Variants in FARP1 observed in about 807,000 individuals in gnomAD.
FARP1 encodes the protein FERM, ARH/RhoGEF and pleckstrin domain protein 1, also known as FERM, ARHGEF and pleckstrin domain-containing protein 1.
Under a neutral mutation model 128.8 loss-of-function variants are expected in FARP1, and 52 were observed. The observed-to-expected ratio is 0.40, with a 90% confidence interval of 0.32 to 0.51. The LOEUF (loss-of-function observed/expected upper bound fraction) is 0.51. Ranked by LOEUF, FARP1 falls within the 20% of genes least tolerant of loss-of-function variation. The pLI, the probability that FARP1 is intolerant of heterozygous loss-of-function variation, is 0.45. For missense variants in FARP1, 1,333 were observed against 1,367.9 expected (o/e 0.97, Z 0.40); for synonymous variants, 580 against 551.8 (o/e 1.05, Z -0.72).
intron 2 of FARP1, among the ~76,000 whole-genome samples, chr13:98,271,222 C>T (rs1029017907): frequency 3.3e-5 from 5 of 152,136 alleles, no homozygotes; most frequent in Admixed American, 1.3e-4. Flanking sequence ...CAAATTAGGC[C>T]GAGAATCTGC....
chr13:98,224,530 A>AAG (rs1881629714), intron 2 of FARP1, among the ~76,000 whole-genome samples: 1 of 45,674 alleles, frequency 2.2e-5, no homozygotes, highest in African/African-American at 5.3e-5. Flanking sequence ...CTGTCTCAAA[A>AAG]AAAAAAAAAA....
intron 1 of FARP1, among the ~76,000 whole-genome samples, chr13:98,194,356 A>T (rs902757262): frequency 6.6e-6 from 1 of 152,210 alleles, no homozygotes; most frequent in African/African-American, 2.4e-5. Flanking sequence ...ACCTCAGGTG[A>T]TCCACCCGCC....
At chr13:98,206,216 T>TGTGA (rs1491428202) in intron 1 of FARP1, among the ~76,000 whole-genome samples, 3 of 138,798 alleles carry the variant, frequency 2.2e-5, no homozygotes, top group African/African-American at 7.8e-5. Context: ...TGTGTGTGTG[T>TGTGA]GATCCTTTCA....
chr13:98,220,003 A>G (rs1594286256), intron 2 of FARP1, among the ~76,000 whole-genome samples: 1 of 151,712 alleles, frequency 6.6e-6, no homozygotes, highest in African/African-American at 2.4e-5. Context: ...CAGCCATCTT[A>G]GGGAATGTGC....
intron 2 of FARP1, among the ~76,000 whole-genome samples, chr13:98,300,555 A>G (rs1885881095): frequency 6.6e-6 from 1 of 152,186 alleles, no homozygotes; most frequent in South Asian, 2.1e-4. Flanking sequence ...TGTGTTCTGT[A>G]CATGTAAAAG....
Position 98,409,386 on chromosome 13 carries a change from A to T in FARP1, c.1463A>T (p.Gln488Leu). The T allele has an allele frequency of 6.2e-7, 1 of 1,613,784 alleles. No individual in the cohort carries two copies. The part of the protein sequence containing the change: ...PHLSELSVNS[Q>L]GGVAPANVTL... Reference sequence around the variant, plus strand: ...CTTTCCGAGCTGTCTGTGAACTCGCAGGGGGGAGTGGCCCCTGCCAACGTG... The same window carrying T: ...CTTTCCGAGCTGTCTGTGAACTCGCTGGGGGGAGTGGCCCCTGCCAACGTG... The change falls in exon 14 of 27, where the codon CAG (glutamine) becomes CTG (leucine). Residue 488 changes from glutamine to leucine, a missense_variant. Physicochemically the swap from Gln to Leu is moderately radical, Grantham distance 113. Transcript: ENST00000319562.
rs1888129925 is a variant in FARP1 at position 98,345,202 on chromosome 13, C to T, written c.276+1336C>T. ...TTATTTCTAACAACCCCGTTCTGTG[C>T]CTGCCTGAATTCCTTTAAGCTCCTG... On this transcript the variant is annotated intron_variant, in intron 3 of 26. Coordinates refer to ENST00000319562, the MANE Select transcript of FARP1 (RefSeq NM_005766.4). 4.6e-5 allele frequency among the ~76,000 whole-genome samples: 7 copies of T among 152,208 alleles called. No homozygotes were observed. The South Asian group carries it at 1.4e-3, about 32-fold the overall frequency.
Position 98,213,522 on chromosome 13 carries a change from T to G in FARP1, c.171+109T>G, listed in dbSNP as rs146950527. On this transcript the variant is annotated intron_variant, in intron 2 of 26. Transcript: ENST00000319562. The stretch of plus-strand genomic sequence containing the variant: ...AGTGACATGAGGCGGCTGGAGGTCC[T>G]GCATGTTCAGCACCTCCCTCCCCGC... 6.6e-4 allele frequency: 768 copies of G among 1,167,356 alleles called. 4 individuals carry two copies. The African/African-American group carries it at 0.01, about 16-fold the overall frequency. The allele number at this position is 1,167,356 out of a possible 1,614,324, so 72.3% of individuals were successfully genotyped here.
chr13:98,173,328 T>C (rs1158574868), intron 1 of FARP1, among the ~76,000 whole-genome samples: 1 of 152,222 alleles, frequency 6.6e-6, no homozygotes, highest in African/African-American at 2.4e-5. Flanking sequence ...TTTTAGGTGG[T>C]ACTTATAAAA....
intron 1 of FARP1, among the ~76,000 whole-genome samples, chr13:98,180,043 G>A (rs1878398654): frequency 6.6e-6 from 1 of 152,100 alleles, no homozygotes; most frequent in South Asian, 2.1e-4. Flanking sequence ...CTAGGGAAAG[G>A]CTAGGGAAAG....
chr13:98,236,164 G>A (rs1424347762), intron 2 of FARP1, among the ~76,000 whole-genome samples: 1 of 152,164 alleles, frequency 6.6e-6, no homozygotes, highest in East Asian at 1.9e-4. Context: ...AGAACAAAGA[G>A]GGATGAACCT....
Position 98,439,209 on chromosome 13 carries a change from C to T in FARP1, c.2433+13C>T, listed in dbSNP as rs1453785298. 9 of 1,593,890 alleles carry T rather than the reference C, an allele frequency of 5.6e-6. No individual in the cohort carries two copies. Among genetic ancestry groups the T allele is most frequent in the Admixed American group, 3.4e-5 (2 of 58,902 alleles). ...CTATGGCATGACGGTGAGTACAGCA[C>T]AGGCTCGTGGCCAGGGCCTGTCCTC... On this transcript the variant is annotated intron_variant, in intron 21 of 26. Transcript: ENST00000319562.
chr13:98,171,694 G>A (rs1877662584), intron 1 of FARP1, among the ~76,000 whole-genome samples: 1 of 152,116 alleles, frequency 6.6e-6, no homozygotes, highest in Non-Finnish European at 1.5e-5. Context: ...GAGCTACATT[G>A]TTAAAAAATA....
Position 98,384,875 on chromosome 13 carries a change from C to T in FARP1, c.611+31C>T, listed in dbSNP as rs780998608. ...TCTCATTCTTGGCTTCATATTCCCT[C>T]TGAGCCGGTTCTCTCTGCCTCCAAC... On this transcript the variant is annotated intron_variant, in intron 7 of 26. Transcript: ENST00000319562. The T allele has an allele frequency of 2.9e-6, 4 of 1,378,918 alleles. No individual in the cohort carries two copies. In the South Asian group the frequency reaches 4.6e-5, roughly 16 times the overall value. The allele number at this position is 1,378,918 out of a possible 1,614,324, so 85.4% of individuals were successfully genotyped here. A position where few individuals can be genotyped will look rare whatever the true frequency, so the allele number is the denominator to read the frequency against.
intron 1 of FARP1, among the ~76,000 whole-genome samples, chr13:98,145,754 T>C (rs1875487884): frequency 8.8e-5 from 1 of 11,340 alleles, no homozygotes; most frequent in Non-Finnish European, 7.7e-3. Context: ...TCCCAGCTGC[T>C]CAGAGGCTAA....
chr13:98,199,988 C>T (rs910889449), intron 1 of FARP1, among the ~76,000 whole-genome samples: 1 of 152,094 alleles, frequency 6.6e-6, no homozygotes, highest in African/African-American at 2.4e-5. Flanking sequence ...TAATTTTCAC[C>T]TCCACTTCCA....
intron 2 of FARP1, among the ~76,000 whole-genome samples, chr13:98,299,031 C>T (rs545019816): frequency 1.3e-5 from 2 of 152,252 alleles, no homozygotes; most frequent in African/African-American, 2.4e-5. Context: ...AACAGGAAAG[C>T]GGAGGTTTCT....
intron 11 of FARP1, 74 bp from the exon 12 acceptor site, chr13:98,393,569 T>G: frequency 8.3e-7 from 1 of 1,205,724 alleles, no homozygotes; most frequent in Non-Finnish European, 1.2e-6. Flanking sequence ...AAAGGACTTT[T>G]GTTTCATTTA....
In FARP1 at chr13:98,365,386, C is replaced by T; in HGVS notation, c.277-9C>T. ...CTTAGGTCTTAATCTGTTCTTTTTT[C>T]CCTTCTAGGTGTGGCTGGATCTCCT... On this transcript the variant is annotated splice_polypyrimidine_tract_variant and intron_variant, in intron 3 of 26. Transcript: ENST00000319562. The T allele has an allele frequency of 6.2e-7, 1 of 1,604,638 alleles. No homozygotes were observed. The highest frequency in any genetic ancestry group is 1.1e-5 in the South Asian group (1 of 90,648).
Sources: allele counts gnomAD v4.1 joint callset (sites outside exome capture counted in the v4.1 genomes callset), GRCh38; gene constraint gnomAD v4.1.1; transcripts MANE v1.5; gene names NCBI Gene and HGNC (gene_info 2026-07-23, HGNC 2026-07-21).